TXNDC8: variants seen among roughly 807,000 people sequenced by gnomAD.
TXNDC8 encodes the protein thioredoxin domain containing 8.
In TXNDC8, 15 loss-of-function variants were observed where a neutral mutation model predicts 12.9. That is an observed-to-expected ratio of 1.16 (90% CI 0.78 to 1.79). TXNDC8 has a LOEUF of 1.79. Among genes scored for constraint, TXNDC8 ranks in the 40% most tolerant of loss-of-function variants. TXNDC8 has a pLI of 0.00. For missense variants in TXNDC8, 128 were observed against 113.2 expected, an observed-to-expected ratio of 1.13 and a Z score of -0.59; for synonymous variants, 40 against 35.4, an observed-to-expected ratio of 1.13 and a Z score of -0.46.
chr9:110,329,109 GAA>G (rs1002749464), intron 2 of TXNDC8, 121 bp downstream of exon 3: 1 of 829,108 alleles, frequency 1.2e-6, no homozygotes, highest in Admixed American at 2.8e-5. Context: ...GTAGTTATTA[GAA>G]AAAATGTAAA....
Position 110,304,522 on chromosome 9 carries a change from A to C in TXNDC8, c.206T>G (p.Phe69Cys). The C allele has an allele frequency of 6.2e-7, 1 of 1,609,006 alleles. No individual in the cohort carries two copies. Among genetic ancestry groups the C allele is most frequent in the Non-Finnish European group, 8.5e-7 (1 of 1,176,818 alleles). The change falls in exon 4 of 5, where the codon TTC becomes TGC. Residue 69 changes from phenylalanine to cysteine, a missense_variant. By Grantham distance (205) the Phe-to-Cys change is radical (BLOSUM62 -2). Coordinates refer to ENST00000423740, the MANE Select transcript of TXNDC8 (RefSeq NM_001286946.2). ...GCAAATTATTCTTTTGATTCTTGAGAATAGGGTTACCTAAGTGTGGGTGCA... is the reference window on the plus strand; with the variant it reads ...GCAAATTATTCTTTTGATTCTTGAGCATAGGGTTACCTAAGTGTGGGTGCA...
intron 3 of TXNDC8, among the ~76,000 whole-genome samples, chr9:110,317,320 C>T (rs1838921356): frequency 6.6e-6 from 1 of 152,152 alleles, no homozygotes; most frequent in African/African-American, 2.4e-5. Context: ...GCTCAAATGC[C>T]CAGTTTTGAG....
At chr9:110,309,286 C>G (rs893781480) in intron 3 of TXNDC8, among the ~76,000 whole-genome samples, 9 of 152,168 alleles carry the variant, frequency 5.9e-5, no homozygotes, top group African/African-American at 7.2e-5. Context: ...TTGACCCCCC[C>G]ACAATATGCA....
At position 110,318,642 on chromosome 9, in the gene TXNDC8, G is replaced by A. The variant is rs112838461; in HGVS notation, c.195+7533C>T. Among the ~76,000 whole-genome samples, 247 of 152,230 alleles carry A rather than the reference G, an allele frequency of 1.6e-3. 1 individual carries two copies. Among genetic ancestry groups the A allele is most frequent in the African/African-American group, 5.8e-3 (240 of 41,554 alleles). Reference sequence around the variant, plus strand: ...AGTCCCAGCTACTTGGGAGGCTGAGGCAGGAGAATGGCGTGAAGCCGGGAG... The same window carrying A: ...AGTCCCAGCTACTTGGGAGGCTGAGACAGGAGAATGGCGTGAAGCCGGGAG... On this transcript the variant is annotated intron_variant, in intron 3 of 4. Transcript: ENST00000423740.
chr9:110,329,207 T>C, intron 2 of TXNDC8, 25 bp downstream of exon 3: 1 of 1,604,390 alleles, frequency 6.2e-7, no homozygotes, highest in Non-Finnish European at 8.5e-7. Context: ...TTTGAGTATG[T>C]GCACAGAAGA....
chr9:110,303,861 G>A lies in TXNDC8; in HGVS notation c.262-153C>T, dbSNP rs186877946. On this transcript the variant is annotated intron_variant, in intron 4 of 4. Coordinates refer to ENST00000423740, the MANE Select transcript of TXNDC8 (RefSeq NM_001286946.2). ...AAGATCTAAAACGTATAATAATCTC[G>A]GAAATAAACAAACTCCATCATTGGA... Among the ~76,000 whole-genome samples the A allele has an allele frequency of 2.2e-4, 34 of 151,994 alleles. No individual in the cohort carries two copies. The East Asian group carries it at 4.2e-3, about 19-fold the overall frequency.
intron 3 of TXNDC8, among the ~76,000 whole-genome samples, chr9:110,305,606 CTTT>C (rs2118690363): frequency 9.7e-6 from 1 of 102,852 alleles, no homozygotes; most frequent in South Asian, 3.1e-4. Context: ...TTCTTTCTTT[CTTT>C]CTTTTTCTTC....
chr9:110,306,376 G>A (rs1458682509), intron 3 of TXNDC8, among the ~76,000 whole-genome samples: 1 of 152,110 alleles, frequency 6.6e-6, no homozygotes, highest in African/African-American at 2.4e-5. Context: ...GTCTCTTTCG[G>A]TCTCCAGTCT....
chr9:110,337,346 A>T (rs1839795815), intron 1 of TXNDC8, among the ~76,000 whole-genome samples: 1 of 152,262 alleles, frequency 6.6e-6, no homozygotes, highest in Admixed American at 6.5e-5. Context: ...TGACAGCAAC[A>T]TTGGGCTGTT....
At chr9:110,325,002 C>G (rs1387577309) in intron 3 of TXNDC8, among the ~76,000 whole-genome samples, 1 of 152,150 alleles carries the variant, frequency 6.6e-6, no homozygotes, top group Non-Finnish European at 1.5e-5. Flanking sequence ...ATCCCAGCTA[C>G]TCGGGAGGCT....
rs1484678407 is a variant in TXNDC8 at position 110,337,828 on chromosome 9, C to G, written c.-32G>C. The G allele has an allele frequency of 6.2e-7, 1 of 1,612,204 alleles. No homozygotes were observed. Among genetic ancestry groups the G allele is most frequent in the Non-Finnish European group, 8.5e-7 (1 of 1,178,806 alleles). On this transcript the variant is annotated 5_prime_UTR_variant, in exon 1 of 5. Transcript: ENST00000423740. ...ACCAGGGAAGTGCTGATGAAAATCC[C>G]CTGTTGGTTTAGTTGGATCACTGTA...
intron 3 of TXNDC8, among the ~76,000 whole-genome samples, chr9:110,309,305 A>G (rs1838574811): frequency 6.6e-6 from 1 of 152,124 alleles, no homozygotes; most frequent in South Asian, 2.1e-4. Context: ...CAGCAGCCCT[A>G]CAGGAAAATC....
In TXNDC8 at chr9:110,329,139, A is replaced by G. The variant is rs1031244502; in HGVS notation, c.130-2899T>C. 2.9e-6 allele frequency: 3 copies of G among 1,051,980 alleles called. No individual in the cohort carries two copies. The African/African-American group carries it at 4.9e-5, about 17-fold the overall frequency. 65.2% of individuals were successfully genotyped at this position (1,051,980 alleles called of 1,614,324 possible). Reference sequence around the variant, plus strand: ...AATGTAAAATTCTAGTTGATTTTAAATTGGTCATGTATTAATAATTACTGA... The same window carrying G: ...AATGTAAAATTCTAGTTGATTTTAAGTTGGTCATGTATTAATAATTACTGA... On this transcript the variant is annotated intron_variant, in intron 2 of 4. Transcript: ENST00000423740.
At chr9:110,311,021 C>T (rs1416280115) in intron 3 of TXNDC8, among the ~76,000 whole-genome samples, 2 of 152,212 alleles carry the variant, frequency 1.3e-5, no homozygotes, top group Admixed American at 6.5e-5. Context: ...AGGACTGTTA[C>T]CATCTTTGTT....
chr9:110,304,780 G>GGCAA (rs1383802045), intron 3 of TXNDC8, among the ~76,000 whole-genome samples: 1 of 152,194 alleles, frequency 6.6e-6, no homozygotes, highest in Non-Finnish European at 1.5e-5. Context: ...TGGAAACATA[G>GGCAA]GCAAGGCTTG....
intron 3 of TXNDC8, among the ~76,000 whole-genome samples, chr9:110,316,994 G>A (rs764761940): frequency 1.1e-4 from 17 of 152,178 alleles, no homozygotes; most frequent in Non-Finnish European, 1.5e-4. Flanking sequence ...ATGGCCCTGG[G>A]ACTGTTCACC....
intron 3 of TXNDC8, among the ~76,000 whole-genome samples, chr9:110,310,056 A>G (rs1408257645): frequency 1.3e-5 from 2 of 152,188 alleles, no homozygotes; most frequent in Admixed American, 6.5e-5. Flanking sequence ...CAAGCACTCC[A>G]TAGGTTTTAT....
At chr9:110,326,288 C>G (rs1403035916) in intron 2 of TXNDC8, 48 bp from the exon 4 acceptor site, 1 of 1,597,728 alleles carries the variant, frequency 6.3e-7, no homozygotes, top group East Asian at 2.2e-5. Context: ...GGTGTCCTCT[C>G]TCTGTACCAA....
intron 3 of TXNDC8, chr9:110,322,464 G>T (rs1461116822): frequency 4.1e-6 from 4 of 985,366 alleles, no homozygotes; most frequent in Non-Finnish European, 4.8e-6. Context: ...AGACCAGTTA[G>T]ATATAATTGT....
Sources: gnomAD v4.1 joint callset for allele counts (sites outside exome capture counted in the v4.1 genomes callset) on GRCh38, gnomAD v4.1.1 for gene constraint, MANE v1.5 for transcripts, NCBI Gene and HGNC (gene_info 2026-07-23, HGNC 2026-07-21) for gene names.